The following DOC2B variants were observed in gnomAD, a reference collection of about 807,000 sequenced individuals.
DOC2B encodes double C2 domain beta.
DOC2B carries 21 observed loss-of-function variants against 28.9 expected under a neutral mutation model. The observed-to-expected ratio is 0.73, with a 90% CI of 0.52 to 1.05. DOC2B has a LOEUF of 1.05. Ranked by LOEUF, DOC2B falls within the 50% of genes least tolerant of loss-of-function variation. The pLI is 0.00. For synonymous variants in DOC2B, 194 were observed against 178.1 expected, an observed-to-expected ratio of 1.09 and a Z score of -0.71; for missense variants, 384 against 421.1, an observed-to-expected ratio of 0.91 and a Z score of 0.77.
chr17:146,188 T>G lies in DOC2B; in HGVS notation c.*1253A>C, dbSNP rs1290818233. The G allele has an allele frequency of 6.6e-6, 1 of 152,246 alleles. No individual in the cohort carries two copies. Among genetic ancestry groups the G allele is most frequent in the African/African-American group, 2.4e-5 (1 of 41,434 alleles). 9.4% of individuals were successfully genotyped at this position (152,246 alleles called of 1,614,324 possible). A position where few individuals can be genotyped will look rare whatever the true frequency, so the allele number is the denominator to read the frequency against. Reference sequence around the variant, plus strand: ...GACAAGGCCCTGGACGGCCACTGATTACTCCCAAAAGGGACATCTGTGGCG... The same window carrying G: ...GACAAGGCCCTGGACGGCCACTGATGACTCCCAAAAGGGACATCTGTGGCG... On this transcript the variant is annotated 3_prime_UTR_variant, in exon 9 of 9. Transcript: ENST00000613549.
In DOC2B at chr17:144,411, C is replaced by T. The variant is rs1337192015; in HGVS notation, c.*3030G>A. On this transcript the variant is annotated 3_prime_UTR_variant, in exon 9 of 9. Transcript: ENST00000613549. ...AGTAGCTGGGACTACAGGCGTGCGCCACCACACCCGGCTAATTTTTGTATT... is the reference window on the plus strand; with the variant it reads ...AGTAGCTGGGACTACAGGCGTGCGCTACCACACCCGGCTAATTTTTGTATT... 6.6e-6 allele frequency: 1 copy of T among 152,202 alleles called. No individual in the cohort carries two copies. The highest frequency in any genetic ancestry group is 2.4e-5 in the African/African-American group (1 of 41,438). The allele number at this position is 152,202 out of a possible 1,614,324, so 9.4% of individuals were successfully genotyped here. A position where few individuals can be genotyped will look rare whatever the true frequency, so the allele number is the denominator to read the frequency against.
intron 2 of DOC2B, among the ~76,000 whole-genome samples, chr17:165,173 T>A (rs2040247932): frequency 1.3e-5 from 2 of 151,496 alleles, no homozygotes; most frequent in Non-Finnish European, 2.9e-5. Flanking sequence ...AGCTGGGAAG[T>A]GGATGAGTTA....
At chr17:177,999 C>A (rs2040390216) in intron 1 of DOC2B, among the ~76,000 whole-genome samples, 1 of 152,246 alleles carries the variant, frequency 6.6e-6, no homozygotes, top group Non-Finnish European at 1.5e-5. Context: ...GACAGGTCTC[C>A]TGGGGACTTC....
At position 178,729 on chromosome 17, in the gene DOC2B, T is replaced by G. The variant is rs2040397580; in HGVS notation, c.373+2378A>C. Among the ~76,000 whole-genome samples the G allele has an allele frequency of 2.0e-5, 3 of 152,320 alleles. No individual in the cohort carries two copies. The South Asian group carries it at 6.2e-4, about 32-fold the overall frequency. On this transcript the variant is annotated intron_variant, in intron 1 of 8. Transcript: ENST00000613549. ...AAGCCAGGAGAAAAGGCTGAGTAAA[T>G]AAACAGCACTTCACTCTCTGCCTTG...
chr17:181,461 CGCG>C lies in DOC2B; in HGVS notation c.16_18del (p.Arg6del), dbSNP rs1380246830. On this transcript the variant is annotated inframe_deletion, in exon 1 of 9. Coordinates refer to ENST00000613549, the MANE Select transcript of DOC2B (RefSeq NM_003585.5). The surrounding 1 kb of genome is among the most constrained non-coding windows in gnomAD (Gnocchi z 7.0). ...TGGATGCTGATGGTCGCCTTCTCCC[CGCG>C]CCGCCGGAGGGTCATGCAGGCAGCG... 2 of 1,126,474 alleles carry C rather than the reference CGCG, an allele frequency of 1.8e-6. No homozygotes were observed. The highest frequency in any genetic ancestry group is 3.3e-5 in the African/African-American group (2 of 59,794). 69.8% of individuals were successfully genotyped at this position (1,126,474 alleles called of 1,614,324 possible). A position where few individuals can be genotyped will look rare whatever the true frequency, so the allele number is the denominator to read the frequency against.
intron 7 of DOC2B, among the ~76,000 whole-genome samples, chr17:148,500 A>T (rs1453852563): frequency 6.6e-6 from 1 of 151,738 alleles, no homozygotes; most frequent in Non-Finnish European, 1.5e-5. Flanking sequence ...TGCTCTCCCC[A>T]CACCCCGGGA....
chr17:172,681 G>T, intron 1 of DOC2B, 65 bp from the exon 2 acceptor site: 1 of 1,379,850 alleles, frequency 7.2e-7, no homozygotes. Flanking sequence ...GCCTGCCCCT[G>T]TGAGACCAGA....
intron 5 of DOC2B, 109 bp downstream of exon 5, chr17:161,306 T>A: frequency 1.7e-6 from 2 of 1,180,562 alleles, no homozygotes; most frequent in South Asian, 2.8e-5. Flanking sequence ...CGGTCTCCCC[T>A]CCCCTCTCAC....
At chr17:162,426 T>C (rs1238886858) in intron 3 of DOC2B, among the ~76,000 whole-genome samples, 3 of 151,732 alleles carry the variant, frequency 2.0e-5, no homozygotes, top group Non-Finnish European at 2.9e-5. Context: ...AGCAGAAGAA[T>C]GGACAGAGAA....
chr17:166,190 C>T (rs549859597), intron 2 of DOC2B, among the ~76,000 whole-genome samples: 2 of 152,370 alleles, frequency 1.3e-5, no homozygotes, highest in Non-Finnish European at 1.5e-5. Flanking sequence ...TCGCCAAAAG[C>T]AAAAGGACCA....
Position 145,104 on chromosome 17 carries a change from G to C in DOC2B, c.*2337C>G, listed in dbSNP as rs2040009562. On this transcript the variant is annotated 3_prime_UTR_variant, in exon 9 of 9. Coordinates refer to ENST00000613549, the MANE Select transcript of DOC2B (RefSeq NM_003585.5). ...CCTTGCCTCAGCCCCCAGAGGCTAG[G>C]GTGGGGTGGCTGAGTTTTGGGGCCA... 1 of 152,222 alleles carries C rather than the reference G, an allele frequency of 6.6e-6. No homozygotes were observed. Among genetic ancestry groups the C allele is most frequent in the Admixed American group, 6.5e-5 (1 of 15,274 alleles). The allele number at this position is 152,222 out of a possible 1,614,324, so 9.4% of individuals were successfully genotyped here. A position where few individuals can be genotyped will look rare whatever the true frequency, so the allele number is the denominator to read the frequency against.
At chr17:176,242 G>A (rs1169347523) in intron 1 of DOC2B, among the ~76,000 whole-genome samples, 5 of 151,708 alleles carry the variant, frequency 3.3e-5, no homozygotes, top group Non-Finnish European at 7.4e-5. Flanking sequence ...TACCCAGGCT[G>A]GAGTACAGTG....
intron 2 of DOC2B, 37 bp downstream of exon 2, chr17:172,500 G>A (rs554935539): frequency 3.6e-5 from 56 of 1,536,046 alleles, no homozygotes; most frequent in Admixed American, 5.9e-5. Context: ...TGAGGACCCC[G>A]GGGCAGGGAA....
rs150218983 is a variant in DOC2B, at chr17:161,376, G to A, written c.765+39C>T. 4.2e-4 allele frequency: 651 copies of A among 1,546,508 alleles called. 8 individuals carry two copies. The African/African-American group carries it at 7.4e-3, about 18-fold the overall frequency. ...TTCTGCCTTCCCAGCACCTGCCACC[G>A]AGCCAGGTACACAGCAGGTGCTCAA... is the stretch of plus-strand genomic sequence containing the variant. On this transcript the variant is annotated intron_variant, in intron 5 of 8. Transcript: ENST00000613549.
At chr17:160,701 G>C (rs529799926) in intron 5 of DOC2B, among the ~76,000 whole-genome samples, 27 of 152,308 alleles carry the variant, frequency 1.8e-4, no homozygotes, top group African/African-American at 5.3e-4. Context: ...TATGAACCAG[G>C]TGAAGGTGAG....
intron 2 of DOC2B, among the ~76,000 whole-genome samples, chr17:169,887 C>A (rs548900381): frequency 2.6e-4 from 40 of 152,330 alleles, no homozygotes; most frequent in African/African-American, 8.7e-4. Context: ...CCCACCCCCA[C>A]TTCTGATACC....
At chr17:158,351 G>A (rs964430907) in intron 5 of DOC2B, among the ~76,000 whole-genome samples, 7 of 151,848 alleles carry the variant, frequency 4.6e-5, no homozygotes, top group African/African-American at 1.7e-4. Flanking sequence ...GACTCTACCA[G>A]GCTCCTCTCC....
rs1382874695 is a variant in DOC2B, at chr17:145,284, G to A, written c.*2157C>T. Reference sequence around the variant, plus strand: ...CTCTGCTGAGTCTCCGACAGACCAAGAGGGAAGGGACTGGGGGTACCGACC... The same window carrying A: ...CTCTGCTGAGTCTCCGACAGACCAAAAGGGAAGGGACTGGGGGTACCGACC... On this transcript the variant is annotated 3_prime_UTR_variant, in exon 9 of 9. Coordinates refer to ENST00000613549, the MANE Select transcript of DOC2B (RefSeq NM_003585.5). 1.3e-5 allele frequency: 2 copies of A among 152,200 alleles called. No homozygotes were observed. Among genetic ancestry groups the A allele is most frequent in the Non-Finnish European group, 2.9e-5 (2 of 68,060 alleles). 9.4% of individuals were successfully genotyped at this position (152,200 alleles called of 1,614,324 possible).
At chr17:158,585 C>G (rs2040162885) in intron 5 of DOC2B, among the ~76,000 whole-genome samples, 1 of 152,216 alleles carries the variant, frequency 6.6e-6, no homozygotes, top group Admixed American at 6.5e-5. Flanking sequence ...GGCTCCAATG[C>G]CACCTCAGAA....
Sources: gnomAD v4.1 joint callset for allele counts (sites outside exome capture counted in the v4.1 genomes callset) on GRCh38, gnomAD v4.1.1 for gene constraint, Gnocchi (gnomAD v3.1) non-coding constraint, MANE v1.5 for transcripts, NCBI Gene and HGNC (gene_info 2026-07-23, HGNC 2026-07-21) for gene names.